MBNL2: variants seen among roughly 807,000 people sequenced by gnomAD.
MBNL2 encodes the protein muscleblind like splicing regulator 2.
A neutral mutation model predicts 41.9 loss-of-function variants in MBNL2; 17 were observed. That is an observed-to-expected ratio of 0.41 (90% CI 0.28 to 0.61). The LOEUF is 0.61. Among genes scored for constraint, MBNL2 ranks in the 20% least tolerant of loss-of-function variants. The probability of loss-of-function intolerance (pLI) is 0.35; values close to 1 mark genes in which losing one functional copy is unlikely to be tolerated. For synonymous variants in MBNL2, 195 were observed against 182.9 expected (o/e 1.07, Z -0.53); for missense variants, 336 against 505.6 (o/e 0.66, Z 3.22).
At chr13:97,219,072 G>C (rs1377005987), upstream of MBNL2, among the ~76,000 whole-genome samples, 1 of 152,158 alleles carries the variant, frequency 6.6e-6, no homozygotes, top group Admixed American at 6.5e-5. Flanking sequence ...CCGTGGACAA[G>C]AGCCATCAGT....
At chr13:97,242,928 C>T (rs1292367235) in intron 1 of MBNL2, among the ~76,000 whole-genome samples, 1 of 152,174 alleles carries the variant, frequency 6.6e-6, no homozygotes, top group Admixed American at 6.5e-5. Flanking sequence ...AAATGAAAGC[C>T]GACTGAGCAG....
the MBNL2 span, among the ~76,000 whole-genome samples, chr13:97,183,086 T>G: frequency 1.3e-5 from 2 of 152,190 alleles, no homozygotes; most frequent in Non-Finnish European, 2.9e-5. Flanking sequence ...TGCATCAAAA[T>G]CAAAGGTTAT....
At chr13:97,173,774 C>T in the MBNL2 span, among the ~76,000 whole-genome samples, 1 of 152,190 alleles carries the variant, frequency 6.6e-6, no homozygotes, top group Admixed American at 6.5e-5. Flanking sequence ...GCTAGCTAAC[C>T]CATCACCTGT....
intron 8 of MBNL2, among the ~76,000 whole-genome samples, chr13:97,376,908 T>C (rs752849468): frequency 3.9e-5 from 6 of 152,148 alleles, no homozygotes; most frequent in Non-Finnish European, 8.8e-5. Flanking sequence ...TTCACACACA[T>C]AGCAAGAGAG....
At chr13:97,215,838 A>G in the MBNL2 span, among the ~76,000 whole-genome samples, 5 of 152,320 alleles carry the variant, frequency 3.3e-5, no homozygotes, top group East Asian at 7.7e-4. Context: ...TACTTTAGTT[A>G]TCACTTTTTT....
At chr13:97,258,447 T>C (rs1010407516) in intron 1 of MBNL2, among the ~76,000 whole-genome samples, 2 of 152,182 alleles carry the variant, frequency 1.3e-5, no homozygotes, top group Non-Finnish European at 2.9e-5. Flanking sequence ...ATGAAAGTAA[T>C]AACAACAAAA....
the MBNL2 span, among the ~76,000 whole-genome samples, chr13:97,208,303 G>C: frequency 6.6e-6 from 1 of 152,136 alleles, no homozygotes; most frequent in Non-Finnish European, 1.5e-5. Flanking sequence ...GCAGGAAAAC[G>C]ATGAGAAAGA....
chr13:97,255,743 T>C (rs1327492387), intron 1 of MBNL2, among the ~76,000 whole-genome samples: 1 of 152,232 alleles, frequency 6.6e-6, no homozygotes, highest in East Asian at 1.9e-4. Flanking sequence ...CCTCATGTGC[T>C]GTGTTTAGAT....
chr13:97,339,745 G>T lies in MBNL2; in HGVS notation c.340-3271G>T, dbSNP rs569898371. Among the ~76,000 whole-genome samples, 20 of 152,112 alleles carry T rather than the reference G, an allele frequency of 1.3e-4. No homozygotes were observed. The East Asian group carries it at 3.5e-3, about 27-fold the overall frequency. ...GAGAACCACTTTTCCAAGGCAGCAG[G>T]CCCCACACCTCACACCTCCTGTCTG... On this transcript the variant is annotated intron_variant, in intron 3 of 8. Coordinates refer to ENST00000679496, the MANE Select transcript of MBNL2 (RefSeq NM_001382683.1).
intron 1 of MBNL2, among the ~76,000 whole-genome samples, chr13:97,244,940 C>T (rs552558297): frequency 2.0e-5 from 3 of 152,110 alleles, no homozygotes; most frequent in Non-Finnish European, 4.4e-5. Context: ...TATAATGACA[C>T]ACAGCAATTT....
intron 1 of MBNL2, among the ~76,000 whole-genome samples, chr13:97,245,644 T>A (rs2045314850): frequency 6.6e-6 from 1 of 152,236 alleles, no homozygotes; most frequent in African/African-American, 2.4e-5. Flanking sequence ...TTTTTATTTC[T>A]ACTAAGTTGG....
chr13:97,171,637 C>A, the MBNL2 span, among the ~76,000 whole-genome samples: 1 of 152,180 alleles, frequency 6.6e-6, no homozygotes, highest in African/African-American at 2.4e-5. Context: ...AGAATTATGC[C>A]CCTTTTCCCA....
chr13:97,157,942 A>G, the MBNL2 span, among the ~76,000 whole-genome samples: 7 of 148,390 alleles, frequency 4.7e-5, no homozygotes, highest in South Asian at 4.3e-4. Flanking sequence ...CTCTTTTTCT[A>G]TTGATTGGAA....
intron 8 of MBNL2, among the ~76,000 whole-genome samples, chr13:97,380,311 T>C (rs1045508642): frequency 1.3e-4 from 20 of 152,034 alleles, no homozygotes; most frequent in African/African-American, 4.8e-4. Context: ...CTGGCCAACA[T>C]GGTGAAACCC....
At chr13:97,174,772 A>G in the MBNL2 span, among the ~76,000 whole-genome samples, 1 of 152,146 alleles carries the variant, frequency 6.6e-6, no homozygotes, top group Admixed American at 6.5e-5. Context: ...TTTTCTGGAA[A>G]AATGAAAGCA....
intron 3 of MBNL2, among the ~76,000 whole-genome samples, chr13:97,340,496 A>T (rs1365287966): frequency 6.6e-6 from 1 of 152,206 alleles, no homozygotes; most frequent in East Asian, 1.9e-4. Context: ...CTTGATGGAC[A>T]TTGATTTTTA....
chr13:97,343,059 T>C lies in MBNL2; in HGVS notation c.383T>C (p.Ile128Thr). The C allele has an allele frequency of 6.2e-7, 1 of 1,614,112 alleles. No individual in the cohort carries two copies. The stretch of plus-strand genomic sequence containing the variant: ...CCCGCGATAGGGACAAATACGGCTA[T>C]TAGCTTTGCTCCTTACCTAGCACCT... ...VGPAIGTNTAISFAPYLAPVT... is the reference protein window; with the variant it reads ...VGPAIGTNTATSFAPYLAPVT... Residue 128 changes from isoleucine (I) to threonine (T), a missense_variant, in exon 4 of 9, where the codon ATT (isoleucine) becomes ACT (threonine). By Grantham distance (89) the Ile-to-Thr change is moderately conservative (BLOSUM62 -1). Coordinates refer to ENST00000679496, the MANE Select transcript of MBNL2 (RefSeq NM_001382683.1).
intron 1 of MBNL2, among the ~76,000 whole-genome samples, chr13:97,228,497 GTATA>G (rs1196766148): frequency 6.7e-6 from 1 of 149,640 alleles, no homozygotes; most frequent in Non-Finnish European, 1.5e-5. Flanking sequence ...TATCTTACAT[GTATA>G]TATAATTTCA....
chr13:97,386,876 T>G (rs2065963174), intron 8 of MBNL2, among the ~76,000 whole-genome samples: 1 of 152,038 alleles, frequency 6.6e-6, no homozygotes, highest in South Asian at 2.1e-4. Flanking sequence ...TGTAGCCAGC[T>G]GATATTTTTG....
Sources: gnomAD v4.1 joint callset for allele counts (sites outside exome capture counted in the v4.1 genomes callset) on GRCh38, gnomAD v4.1.1 for gene constraint, MANE v1.5 for transcripts, NCBI Gene and HGNC (gene_info 2026-07-23, HGNC 2026-07-21) for gene names.